FBXL7: variants seen among roughly 807,000 people sequenced by gnomAD.
FBXL7 encodes the protein F-box/LRR-repeat protein 7.
Under a neutral mutation model 38.3 loss-of-function variants are expected in FBXL7, and 12 were observed. The observed-to-expected ratio is 0.31, with a 90% CI of 0.20 to 0.51. The LOEUF is 0.51. FBXL7 is among the 20% of genes least tolerant of loss of function. FBXL7 has a pLI of 0.98. For synonymous variants in FBXL7, 297 were observed against 300.9 expected (o/e 0.99, Z 0.13); for missense variants, 567 against 676.4 (o/e 0.84, Z 1.79).
intron 3 of FBXL7, among the ~76,000 whole-genome samples, chr5:15,933,139 A>G (rs905247918): frequency 4.6e-5 from 7 of 152,220 alleles, no homozygotes; most frequent in Non-Finnish European, 8.8e-5. Flanking sequence ...CCATGAACCA[A>G]TTTACTTTCT....
At chr5:15,838,761 C>G (rs980579568) in intron 2 of FBXL7, among the ~76,000 whole-genome samples, 1 of 152,092 alleles carries the variant, frequency 6.6e-6, no homozygotes, top group African/African-American at 2.4e-5. Context: ...CCTTAACTAC[C>G]CATTCAAAAT....
chr5:15,640,113 C>T (rs1258733884), intron 2 of FBXL7, among the ~76,000 whole-genome samples: 1 of 152,176 alleles, frequency 6.6e-6, no homozygotes, highest in Non-Finnish European at 1.5e-5. Context: ...TTTCCTAGCA[C>T]TGCCATAACA....
intron 1 of FBXL7, among the ~76,000 whole-genome samples, chr5:15,568,667 G>A (rs1260645238): frequency 6.6e-6 from 1 of 151,902 alleles, no homozygotes; most frequent in African/African-American, 2.4e-5. Context: ...CCTTGCCCAT[G>A]CCTATGTCCT....
chr5:15,921,327 G>T (rs555693174), intron 2 of FBXL7, among the ~76,000 whole-genome samples: 270 of 148,832 alleles, frequency 1.8e-3, no homozygotes, highest in African/African-American at 6.3e-3. Context: ...GTTGCAGTGA[G>T]CTGAGATGGC....
chr5:15,571,646 T>A (rs1738785672), intron 1 of FBXL7, among the ~76,000 whole-genome samples: 1 of 152,168 alleles, frequency 6.6e-6, no homozygotes, highest in African/African-American at 2.4e-5. Flanking sequence ...GTTAAGCAGA[T>A]GACATTTCGA....
intron 2 of FBXL7, among the ~76,000 whole-genome samples, chr5:15,889,218 C>G (rs1468128720): frequency 1.3e-5 from 2 of 152,190 alleles, no homozygotes; most frequent in African/African-American, 2.4e-5. Context: ...AAACACTCCT[C>G]TCTGGGCTTC....
intron 1 of FBXL7, among the ~76,000 whole-genome samples, chr5:15,598,075 T>C (rs1363858648): frequency 6.6e-6 from 1 of 151,958 alleles, no homozygotes; most frequent in African/African-American, 2.4e-5. Context: ...AATGCAAAAT[T>C]TAGGGGGAGT....
At chr5:15,647,418 C>A (rs4537062) in intron 2 of FBXL7, among the ~76,000 whole-genome samples, 70,479 of 151,888 alleles carry the variant, frequency 0.46, 17,069 homozygotes, top group African/African-American at 0.61. Context: ...TCAGTACTTC[C>A]GAGGCCACTG....
At chr5:15,763,210 A>G (rs1313969538) in intron 2 of FBXL7, among the ~76,000 whole-genome samples, 3 of 152,210 alleles carry the variant, frequency 2.0e-5, no homozygotes, top group Non-Finnish European at 4.4e-5. Context: ...ACCTGTGGAT[A>G]CTACTCAACT....
chr5:15,862,917 A>G (rs1398661099), intron 2 of FBXL7, among the ~76,000 whole-genome samples: 1 of 152,208 alleles, frequency 6.6e-6, no homozygotes, highest in Non-Finnish European at 1.5e-5. Flanking sequence ...CCAAAACCTG[A>G]GGCCAGTAGG....
At chr5:15,893,127 A>G (rs1740981064) in intron 2 of FBXL7, among the ~76,000 whole-genome samples, 1 of 151,946 alleles carries the variant, frequency 6.6e-6, no homozygotes, top group African/African-American at 2.4e-5. Flanking sequence ...AAAAAAAAAA[A>G]AAAAGAAATC....
In FBXL7 at chr5:15,928,462, G is replaced by T; in HGVS notation, c.700G>T (p.Val234Leu). Reference protein sequence around the residue: ...NISNEAVFDVVSLCPNLEHLD... With the variant: ...NISNEAVFDVLSLCPNLEHLD... The stretch of plus-strand genomic sequence containing the variant: ...CTCCAACGAGGCCGTCTTTGATGTG[G>T]TGTCCCTCTGCCCTAATCTGGAGCA... The change falls in exon 3 of 4, where the codon GTG becomes TTG. Residue 234 changes from valine (V) to leucine (L), a missense_variant. Val to Leu is a conservative substitution (Grantham distance 32, BLOSUM62 1). Transcript: ENST00000504595. This position sits in a 1 kb window ranked among gnomAD's most constrained non-coding sequence, Gnocchi z 4.0. 6.2e-7 allele frequency: 1 copy of T among 1,613,914 alleles called. No individual in the cohort carries two copies. Among genetic ancestry groups the T allele is most frequent in the East Asian group, 2.2e-5 (1 of 44,868 alleles).
intron 1 of FBXL7, among the ~76,000 whole-genome samples, chr5:15,615,564 G>A (rs763799823): frequency 2.0e-5 from 3 of 152,134 alleles, no homozygotes; most frequent in Non-Finnish European, 2.9e-5. Flanking sequence ...TGGAGTTAGC[G>A]GCTCTTGCTC....
intron 2 of FBXL7, among the ~76,000 whole-genome samples, chr5:15,633,890 C>T (rs1455374517): frequency 6.6e-6 from 1 of 151,892 alleles, no homozygotes; most frequent in Non-Finnish European, 1.5e-5. Flanking sequence ...AAGCAGTTCT[C>T]CTGCCTCAGC....
chr5:15,665,229 A>G (rs1227538710), intron 2 of FBXL7, among the ~76,000 whole-genome samples: 2 of 152,086 alleles, frequency 1.3e-5, no homozygotes, highest in African/African-American at 4.8e-5. Context: ...ATACCCCCCA[A>G]TTTTTACCAT....
chr5:15,638,533 G>A (rs935349112), intron 2 of FBXL7, among the ~76,000 whole-genome samples: 1 of 151,958 alleles, frequency 6.6e-6, no homozygotes, highest in African/African-American at 2.4e-5. Context: ...GAGATGTGCT[G>A]TTGTTGAGCC....
intron 2 of FBXL7, among the ~76,000 whole-genome samples, chr5:15,696,323 C>G (rs1561089427): frequency 6.6e-6 from 1 of 152,098 alleles, no homozygotes. Flanking sequence ...TCTAAATGTC[C>G]ATCTTCTCAC....
intron 2 of FBXL7, among the ~76,000 whole-genome samples, chr5:15,851,638 A>G (rs1007356416): frequency 1.3e-5 from 2 of 152,118 alleles, no homozygotes; most frequent in Non-Finnish European, 2.9e-5. Flanking sequence ...TTAAATAAAT[A>G]TTATTTTCCA....
chr5:15,892,826 T>C (rs1192183910), intron 2 of FBXL7, among the ~76,000 whole-genome samples: 1 of 151,908 alleles, frequency 6.6e-6, no homozygotes, highest in African/African-American at 2.4e-5. Flanking sequence ...GATTAAGAGA[T>C]CAAGGCTTAG....
Sources: gnomAD v4.1 joint callset for allele counts (sites outside exome capture counted in the v4.1 genomes callset) on GRCh38, gnomAD v4.1.1 for gene constraint, Gnocchi (gnomAD v3.1) non-coding constraint, MANE v1.5 for transcripts, NCBI Gene and HGNC (gene_info 2026-07-23, HGNC 2026-07-21) for gene names.